Variants in CDH4 observed in about 807,000 individuals in gnomAD.
CDH4 encodes the protein cadherin 4.
CDH4 carries 33 observed loss-of-function variants against 86.0 expected under a neutral mutation model. The ratio of observed to expected loss-of-function variants is 0.38; its 90% CI spans 0.29 to 0.51. CDH4 has a LOEUF of 0.51. Among genes scored for constraint, CDH4 ranks in the 20% least tolerant of loss-of-function variants. CDH4 has a pLI of 0.86. For missense variants in CDH4, 1,114 were observed against 1,307.4 expected (o/e 0.85, Z 2.28); for synonymous variants, 555 against 549.4 (o/e 1.01, Z -0.14).
At chr20:61,791,221 G>A (rs1490427847) in intron 4 of CDH4, among the ~76,000 whole-genome samples, 1 of 152,252 alleles carries the variant, frequency 6.6e-6, no homozygotes, top group Non-Finnish European at 1.5e-5. Flanking sequence ...AATTCTTCCA[G>A]GTGTTTGGGG....
chr20:61,924,502 C>T (rs766707263), intron 11 of CDH4, 26 bp downstream of exon 11: 4 of 1,603,322 alleles, frequency 2.5e-6, no homozygotes, highest in East Asian at 2.2e-5. Flanking sequence ...GGGAGGCAGC[C>T]GTCTCGGTGG....
At chr20:61,350,019 A>C (rs1186701226) in intron 2 of CDH4, among the ~76,000 whole-genome samples, 1 of 151,126 alleles carries the variant, frequency 6.6e-6, no homozygotes, top group East Asian at 1.9e-4. Context: ...AACTGGACAC[A>C]TGTGGGCGAG....
intron 2 of CDH4, among the ~76,000 whole-genome samples, chr20:61,726,286 G>A (rs2088110429): frequency 6.6e-6 from 1 of 152,154 alleles, no homozygotes; most frequent in South Asian, 2.1e-4. Flanking sequence ...GTGCCTCATG[G>A]TGGAGTGAGT....
At chr20:61,452,062 G>T (rs2085383939) in intron 2 of CDH4, among the ~76,000 whole-genome samples, 1 of 152,306 alleles carries the variant, frequency 6.6e-6, no homozygotes, top group South Asian at 2.1e-4. Context: ...GAGCATTCGC[G>T]CTTTTCCTTT....
chr20:61,783,338 ACCTTT>A (rs1275388971), intron 4 of CDH4, among the ~76,000 whole-genome samples: 1 of 152,170 alleles, frequency 6.6e-6, no homozygotes, highest in African/African-American at 2.4e-5. Flanking sequence ...TTTGCCCACA[ACCTTT>A]CCTTAATATG....
chr20:61,570,414 C>T (rs2086332773), intron 2 of CDH4: 1 of 470,588 alleles, frequency 2.1e-6, no homozygotes, highest in Non-Finnish European at 3.8e-6. Context: ...CAGACGTACA[C>T]TTTGGGCTTC....
chr20:61,774,148 C>G (rs2088811657), intron 4 of CDH4, among the ~76,000 whole-genome samples: 1 of 152,392 alleles, frequency 6.6e-6, no homozygotes, highest in Non-Finnish European at 1.5e-5. Flanking sequence ...CTTCTCTGCA[C>G]AGAGCCGGCC....
chr20:61,459,567 C>T lies in CDH4; in HGVS notation c.169+204630C>T, dbSNP rs985837921. ...ACCAGTGCCTAGGATGGGGGACGCT[C>T]ACAACCAGTGCAAGAGAAGTGGCCC... On this transcript the variant is annotated intron_variant, in intron 2 of 15. Coordinates refer to ENST00000614565, the MANE Select transcript of CDH4 (RefSeq NM_001794.5). 6.7e-5 allele frequency among the ~76,000 whole-genome samples: 10 copies of T among 150,194 alleles called. No homozygotes were observed. In the Admixed American group the frequency reaches 6.7e-4, roughly 10 times the overall value.
chr20:61,554,859 C>G (rs1302691970), intron 2 of CDH4, among the ~76,000 whole-genome samples: 5 of 150,260 alleles, frequency 3.3e-5, no homozygotes, highest in African/African-American at 1.2e-4. Flanking sequence ...CGTGAGTTCG[C>G]ATGTTTGTGT....
At chr20:61,803,915 G>C (rs867447671) in intron 4 of CDH4, among the ~76,000 whole-genome samples, 1 of 152,274 alleles carries the variant, frequency 6.6e-6, no homozygotes, top group African/African-American at 2.4e-5. Context: ...CCCCCGCTGC[G>C]TCTGCTTCCA....
Position 61,565,217 on chromosome 20 carries a change from G to GTGT in CDH4, c.170-178344_170-178343insTTG, listed in dbSNP as rs1568688459. ...CTTGGTGGTGGTCGCGGTGCTCTCG[G>GTGT]TGGTAGGTGGTGGTGGTGGTGGTGG... On this transcript the variant is annotated intron_variant, in intron 2 of 15. Coordinates refer to ENST00000614565, the MANE Select transcript of CDH4 (RefSeq NM_001794.5). Among the ~76,000 whole-genome samples the GTGT allele has an allele frequency of 1.1e-4, 6 of 55,776 alleles. 1 individual carries two copies. The highest frequency in any genetic ancestry group is 2.5e-4 in the Non-Finnish European group (6 of 24,144). 36.6% of individuals were successfully genotyped at this position (55,776 alleles called of 152,430 possible).
At chr20:61,352,875 G>A (rs1006911626) in intron 2 of CDH4, among the ~76,000 whole-genome samples, 2 of 152,116 alleles carry the variant, frequency 1.3e-5, no homozygotes, top group East Asian at 3.9e-4. Flanking sequence ...CCTGTGAGAC[G>A]CTGCGGACAA....
intron 2 of CDH4, among the ~76,000 whole-genome samples, chr20:61,705,910 C>T (rs201502700): frequency 6.6e-6 from 1 of 152,216 alleles, no homozygotes; most frequent in East Asian, 1.9e-4. Context: ...CAAGATTTCC[C>T]AGATGTGATG....
At chr20:61,276,574 C>T (rs147027343) in intron 2 of CDH4, among the ~76,000 whole-genome samples, 2 of 152,298 alleles carry the variant, frequency 1.3e-5, no homozygotes, top group East Asian at 1.9e-4. Flanking sequence ...ATGACAGGGC[C>T]GTGCCTGGCA....
intron 2 of CDH4, among the ~76,000 whole-genome samples, chr20:61,485,657 G>A (rs6089396): frequency 0.027 from 4,048 of 152,234 alleles, 68 homozygotes; most frequent in Non-Finnish European, 0.042. Context: ...TCTCCATGGC[G>A]ATGATGGAGG....
chr20:61,909,847 A>C (rs971840783), intron 8 of CDH4, among the ~76,000 whole-genome samples: 5 of 152,216 alleles, frequency 3.3e-5, no homozygotes, highest in Non-Finnish European at 5.9e-5. Context: ...CTTCGGGGAC[A>C]CCATTCAACC....
At chr20:61,716,790 C>T (rs1043149160) in intron 2 of CDH4, among the ~76,000 whole-genome samples, 2 of 152,144 alleles carry the variant, frequency 1.3e-5, no homozygotes, top group African/African-American at 4.8e-5. Flanking sequence ...TGCCTGTAAT[C>T]CCAGCTACTA....
rs2086435034 is a variant in CDH4, at chr20:61,582,251, A to C, written c.170-161312A>C. 6.6e-6 allele frequency among the ~76,000 whole-genome samples: 1 copy of C among 152,168 alleles called. No individual in the cohort carries two copies. The highest frequency in any genetic ancestry group is 6.5e-5 in the Admixed American group (1 of 15,286). On this transcript the variant is annotated intron_variant, in intron 2 of 15. Transcript: ENST00000614565. The surrounding 1 kb of genome is among the most constrained non-coding windows in gnomAD (Gnocchi z 4.2). ...TCCCCACCTCCAATCACAGAGGCACACGCGGCTTTGCCCTTGATTTTTGAG... is the reference window on the plus strand; with the variant it reads ...TCCCCACCTCCAATCACAGAGGCACCCGCGGCTTTGCCCTTGATTTTTGAG...
In CDH4 at chr20:61,794,874, G is replaced by A. The variant is rs1171037365; in HGVS notation, c.576+21692G>A. ...TTAGGATGTTCTTAAATGTAACTAT[G>A]CGCCTTATAGGAAGAACGTCAAACT... On this transcript the variant is annotated intron_variant, in intron 4 of 15. Coordinates refer to ENST00000614565, the MANE Select transcript of CDH4 (RefSeq NM_001794.5). 2.0e-5 allele frequency among the ~76,000 whole-genome samples: 3 copies of A among 152,106 alleles called. No individual in the cohort carries two copies. In the East Asian group the frequency reaches 5.8e-4, roughly 30 times the overall value.
Sources: allele counts gnomAD v4.1 joint callset (sites outside exome capture counted in the v4.1 genomes callset), GRCh38; gene constraint gnomAD v4.1.1; non-coding constraint Gnocchi (gnomAD v3.1); transcripts MANE v1.5; gene names NCBI Gene and HGNC (gene_info 2026-07-23, HGNC 2026-07-21).